The following JADE2 variants were observed in gnomAD, a reference collection of about 807,000 sequenced individuals.
JADE2 encodes the protein E3 ubiquitin-protein ligase Jade-2.
A neutral mutation model predicts 85.7 loss-of-function variants in JADE2; 13 were observed. The ratio of observed to expected loss-of-function variants is 0.15; its 90% CI spans 0.10 to 0.24. The LOEUF is 0.24. Ranked by LOEUF, JADE2 falls within the 10% of genes least tolerant of loss-of-function variation. JADE2 has a pLI of 1.00. For missense variants in JADE2, 846 were observed against 1,115.9 expected (o/e 0.76, Z 3.45); for synonymous variants, 440 against 456.1 (o/e 0.96, Z 0.45).
intron 1 of JADE2, among the ~76,000 whole-genome samples, chr5:134,527,102 A>G (rs987431052): frequency 1.3e-5 from 2 of 152,082 alleles, no homozygotes; most frequent in African/African-American, 4.8e-5. Context: ...CAAATGAGTG[A>G]CATTGCAGCC....
rs1045358852 is a variant in JADE2 at position 134,562,101 on chromosome 5, G to A, written c.685-99G>A. On this transcript the variant is annotated intron_variant, in intron 6 of 11. Transcript: ENST00000681547. This position sits in a 1 kb window ranked among gnomAD's most constrained non-coding sequence, Gnocchi z 4.6. ...GCCAGAGATGGGAGGCTGTGTAGCAGTGTAGCATGGGGCTGGCACTGGACC... is the reference window on the plus strand; with the variant it reads ...GCCAGAGATGGGAGGCTGTGTAGCAATGTAGCATGGGGCTGGCACTGGACC... The A allele has an allele frequency of 6.7e-6, 8 of 1,202,492 alleles. No individual in the cohort carries two copies. The highest frequency in any genetic ancestry group is 2.4e-5 in the East Asian group (1 of 42,356). The allele number at this position is 1,202,492 out of a possible 1,614,324, so 74.5% of individuals were successfully genotyped here.
At chr5:134,576,722 A>G (rs778727078) in intron 10 of JADE2, 46 bp from the exon 11 acceptor site, 247 of 1,549,414 alleles carry the variant, frequency 1.6e-4, no homozygotes, top group Non-Finnish European at 2.1e-4. Flanking sequence ...GACCGAGGCC[A>G]CTCAGGGTAA....
intron 4 of JADE2, among the ~76,000 whole-genome samples, chr5:134,559,332 C>G (rs1368319602): frequency 6.6e-6 from 1 of 152,198 alleles, no homozygotes; most frequent in Non-Finnish European, 1.5e-5. Context: ...CAACCCCTGC[C>G]TTGTCCGCAG....
At chr5:134,542,133 A>C (rs1762000282) in intron 3 of JADE2, among the ~76,000 whole-genome samples, 1 of 152,222 alleles carries the variant, frequency 6.6e-6, no homozygotes, top group Non-Finnish European at 1.5e-5. Context: ...GAAAAGGTGG[A>C]GCTGCCCCTG....
chr5:134,564,236 C>T (rs1023594290), intron 7 of JADE2: 1 of 342,220 alleles, frequency 2.9e-6, no homozygotes, highest in Non-Finnish European at 5.4e-6. Flanking sequence ...CACACTCACA[C>T]ATTCACAGAC....
upstream of JADE2, chr5:134,524,271 C>G (rs1049037749): frequency 2.0e-5 from 3 of 152,292 alleles, no homozygotes; most frequent in African/African-American, 7.2e-5. Context: ...GTGAGCTCGG[C>G]GGGCGCAGCG....
intron 1 of JADE2, among the ~76,000 whole-genome samples, chr5:134,527,675 AC>A (rs1003710015): frequency 3.3e-5 from 5 of 149,594 alleles, no homozygotes; most frequent in African/African-American, 1.2e-4. Flanking sequence ...GGTCGGAATC[AC>A]GCCGGCGCGC....
intron 9 of JADE2, among the ~76,000 whole-genome samples, chr5:134,572,449 G>A (rs1038702643): frequency 3.3e-5 from 5 of 152,212 alleles, no homozygotes; most frequent in African/African-American, 4.8e-5. Flanking sequence ...GGCTGCCCTC[G>A]GACTGGGAGA....
upstream of JADE2, among the ~76,000 whole-genome samples, chr5:134,525,162 C>A (rs376687309): frequency 6.8e-6 from 1 of 146,588 alleles, no homozygotes; most frequent in East Asian, 2.0e-4. Flanking sequence ...AGTATAAGCT[C>A]GCTTTTTTTT....
chr5:134,573,785 G>A (rs329322), intron 10 of JADE2, 23 bp downstream of exon 10: 1,132,264 of 1,388,304 alleles, frequency 0.82, 465,106 homozygotes, highest in Admixed American at 0.92. Flanking sequence ...CCCACCTGCC[G>A]CCGCCACCTC....
At chr5:134,573,517 G>T in intron 9 of JADE2, 128 bp from the exon 10 acceptor site, 1 of 735,896 alleles carries the variant, frequency 1.4e-6, no homozygotes. Context: ...CAGATGTTCT[G>T]GGCAGGATAG....
chr5:134,524,707 G>T (rs1162500894), upstream of JADE2, among the ~76,000 whole-genome samples: 1 of 152,204 alleles, frequency 6.6e-6, no homozygotes, highest in Non-Finnish European at 1.5e-5. Flanking sequence ...GCACCCGGGA[G>T]GGGGGAGGGG....
chr5:134,568,454 G>C (rs1379804116), intron 9 of JADE2, among the ~76,000 whole-genome samples: 1 of 152,220 alleles, frequency 6.6e-6, no homozygotes, highest in East Asian at 1.9e-4. Context: ...TGGGGCTGAG[G>C]TTGGCGGGCT....
intron 1 of JADE2, chr5:134,526,823 C>T (rs958554321): frequency 9.7e-5 from 88 of 910,000 alleles, no homozygotes; most frequent in Non-Finnish European, 1.1e-4. Flanking sequence ...GCAGCCTCCA[C>T]CTCCGGGGCC....
chr5:134,559,688 G>C (rs940061603), intron 4 of JADE2, 142 bp from the exon 5 acceptor site: 4 of 712,316 alleles, frequency 5.6e-6, no homozygotes, highest in Admixed American at 3.1e-5. Context: ...AGTGAAGGAG[G>C]GGGTGGAAGG....
intron 1 of JADE2, among the ~76,000 whole-genome samples, chr5:134,529,488 A>G (rs1761091248): frequency 6.6e-6 from 1 of 152,196 alleles, no homozygotes. Flanking sequence ...ATGGCTCTAT[A>G]CCTCAGTTCC....
At chr5:134,539,546 A>C (rs1043428552) in intron 3 of JADE2, among the ~76,000 whole-genome samples, 8 of 152,248 alleles carry the variant, frequency 5.3e-5, no homozygotes, top group Non-Finnish European at 1.2e-4. Flanking sequence ...AGAAGTAGCC[A>C]GGCACTGGGG....
At position 134,551,586 on chromosome 5, in the gene JADE2, C is replaced by G. The variant is rs1473067231; in HGVS notation, c.154-466C>G. Among the ~76,000 whole-genome samples the G allele has an allele frequency of 3.3e-5, 5 of 151,150 alleles. No individual in the cohort carries two copies. In the East Asian group the frequency reaches 9.7e-4, roughly 29 times the overall value. On this transcript the variant is annotated intron_variant, in intron 3 of 11. Transcript: ENST00000681547. ...TAGAGGCTGGATCTTCCTGTGTTGCCCAGGCTGTCTTGAACTCCTGGCCTC... is the reference window on the plus strand; with the variant it reads ...TAGAGGCTGGATCTTCCTGTGTTGCGCAGGCTGTCTTGAACTCCTGGCCTC...
chr5:134,564,733 G>T (rs528717535), intron 8 of JADE2, 123 bp downstream of exon 8: 2 of 595,440 alleles, frequency 3.4e-6, no homozygotes, highest in South Asian at 4.6e-5. Flanking sequence ...GCCCCAGAGG[G>T]GTGTGGGACT....
Sources: gnomAD v4.1 joint callset for allele counts (sites outside exome capture counted in the v4.1 genomes callset) on GRCh38, gnomAD v4.1.1 for gene constraint, Gnocchi (gnomAD v3.1) non-coding constraint, MANE v1.5 for transcripts, NCBI Gene and HGNC (gene_info 2026-07-23, HGNC 2026-07-21) for gene names.